DYM: variants seen among roughly 807,000 people sequenced by gnomAD.
The protein encoded by DYM is dyggve-Melchior-Clausen syndrome protein.
A neutral mutation model predicts 93.1 loss-of-function variants in DYM; 78 were observed. The ratio of observed to expected loss-of-function variants is 0.84; its 90% CI spans 0.70 to 1.01. The LOEUF is 1.01. DYM is among the 50% of genes least tolerant of loss of function. DYM has a pLI of 0.00. For synonymous variants in DYM, 321 were observed against 319.7 expected (o/e 1.00, Z -0.04); for missense variants, 789 against 845.0 (o/e 0.93, Z 0.82).
intron 13 of DYM, among the ~76,000 whole-genome samples, chr18:49,226,575 A>G (rs1437346205): frequency 6.6e-6 from 1 of 152,180 alleles, no homozygotes; most frequent in Non-Finnish European, 1.5e-5. Flanking sequence ...AAATGCAGAC[A>G]TTCATTTGAA....
At chr18:49,080,494 C>A (rs1468247517) in intron 17 of DYM, among the ~76,000 whole-genome samples, 2 of 133,268 alleles carry the variant, frequency 1.5e-5, no homozygotes. Context: ...CCGGACGGGG[C>A]GGCTGGCCGG....
intron 13 of DYM, among the ~76,000 whole-genome samples, chr18:49,232,469 A>G (rs1361389345): frequency 6.6e-6 from 1 of 150,732 alleles, no homozygotes; most frequent in African/African-American, 2.4e-5. Flanking sequence ...ACACCTGGCT[A>G]ATTTTTTGTA....
chr18:49,138,968 A>G (rs1358456737), intron 15 of DYM, among the ~76,000 whole-genome samples: 1 of 152,210 alleles, frequency 6.6e-6, no homozygotes, highest in East Asian at 1.9e-4. Flanking sequence ...ATAATTTATT[A>G]GCAGTTATAG....
intron 8 of DYM, among the ~76,000 whole-genome samples, chr18:49,289,768 TATATAC>T (rs1254698745): frequency 1.1e-4 from 5 of 44,666 alleles, no homozygotes; most frequent in African/African-American, 3.6e-4. Flanking sequence ...TATATATATA[TATATAC>T]ACATATATAT....
chr18:49,151,854 T>A (rs1475758456), intron 15 of DYM, among the ~76,000 whole-genome samples: 1 of 151,976 alleles, frequency 6.6e-6, no homozygotes, highest in Non-Finnish European at 1.5e-5. Flanking sequence ...ACAATCAAGA[T>A]CTGAGCAAAC....
At chr18:49,337,543 T>G (rs2063763936) in intron 6 of DYM, among the ~76,000 whole-genome samples, 1 of 152,180 alleles carries the variant, frequency 6.6e-6, no homozygotes, top group South Asian at 2.1e-4. Context: ...GCTACTGGTT[T>G]TCTCTGTCGA....
intron 2 of DYM, among the ~76,000 whole-genome samples, chr18:49,426,209 T>C (rs1020084854): frequency 9.9e-5 from 15 of 152,100 alleles, no homozygotes; most frequent in Admixed American, 2.0e-4. Context: ...GGGAATACTA[T>C]GTAGCCATAA....
intron 17 of DYM, among the ~76,000 whole-genome samples, chr18:49,060,505 T>G (rs1042687608): frequency 3.3e-5 from 5 of 151,200 alleles, no homozygotes; most frequent in East Asian, 3.9e-4. Context: ...GTTTGGATAG[T>G]TTCCATTCAC....
intron 13 of DYM, among the ~76,000 whole-genome samples, chr18:49,236,339 G>A (rs1282733404): frequency 6.6e-6 from 1 of 152,088 alleles, no homozygotes; most frequent in East Asian, 1.9e-4. Flanking sequence ...AATTAGCAGG[G>A]TGTGGTGGCA....
Position 49,038,246 on chromosome 18 carries a change from TTA to T in DYM, c.*5807_*5808del, listed in dbSNP as rs201887287. Among the ~76,000 whole-genome samples the T allele has an allele frequency of 6.1e-3, 928 of 152,352 alleles. 8 individuals are homozygous for T. Among genetic ancestry groups the T allele is most frequent in the African/African-American group, 0.022 (894 of 41,578 alleles). Reference sequence around the variant, plus strand: ...TTGCTCATTTCATTGCTTAAATCTTTTATAACTTGATTTTTGTATGCTAGTTT... The same window carrying T: ...TTGCTCATTTCATTGCTTAAATCTTTTAACTTGATTTTTGTATGCTAGTTT... On this transcript the variant is annotated 3_prime_UTR_variant, in exon 18 of 18. Transcript: ENST00000675505.
intron 3 of DYM, among the ~76,000 whole-genome samples, chr18:49,384,300 C>T (rs1269132413): frequency 1.2e-4 from 15 of 121,416 alleles, no homozygotes; most frequent in Admixed American, 2.2e-4. Flanking sequence ...CCAGCATGAG[C>T]GACAGAGTGA....
At chr18:49,441,035 TATATAAATATATA>T (rs2081415472) in intron 1 of DYM, among the ~76,000 whole-genome samples, 1 of 7,932 alleles carries the variant, frequency 1.3e-4, no homozygotes, top group Non-Finnish European at 2.6e-4. Context: ...TTATATATAA[TATATAAATATATA>T]ATATATTTAT....
At chr18:49,415,345 A>T (rs1000057872) in intron 2 of DYM, among the ~76,000 whole-genome samples, 10 of 144,190 alleles carry the variant, frequency 6.9e-5, no homozygotes, top group African/African-American at 1.8e-4. Context: ...AAAAAAAATT[A>T]AAAAAATTTT....
At chr18:49,230,838 G>A (rs926363968) in intron 13 of DYM, among the ~76,000 whole-genome samples, 45 of 152,058 alleles carry the variant, frequency 3.0e-4, no homozygotes, top group Non-Finnish European at 4.6e-4. Flanking sequence ...ATTCTGCAGA[G>A]GGCAGAGAAC....
intron 15 of DYM, among the ~76,000 whole-genome samples, chr18:49,161,300 T>C (rs2087090226): frequency 6.6e-6 from 1 of 152,158 alleles, no homozygotes; most frequent in African/African-American, 2.4e-5. Flanking sequence ...CATAATTACC[T>C]CCATGGTTGG....
chr18:49,198,051 G>T (rs1238270632), intron 14 of DYM, among the ~76,000 whole-genome samples: 1 of 152,150 alleles, frequency 6.6e-6, no homozygotes, highest in Non-Finnish European at 1.5e-5. Context: ...CAATGGAACA[G>T]AACAGAGCCC....
intron 6 of DYM, among the ~76,000 whole-genome samples, chr18:49,345,630 T>G (rs1474553675): frequency 6.6e-6 from 1 of 151,948 alleles, no homozygotes; most frequent in African/African-American, 2.4e-5. Context: ...GAATAGAATC[T>G]GCAAGAAGAA....
chr18:49,372,650 CAGG>C (rs1225374480), intron 5 of DYM, among the ~76,000 whole-genome samples: 1 of 152,162 alleles, frequency 6.6e-6, no homozygotes, highest in Non-Finnish European at 1.5e-5. Context: ...GAGGCTGATA[CAGG>C]AGAATTGCTT....
chr18:49,304,019 G>T (rs1033378041), intron 8 of DYM, among the ~76,000 whole-genome samples: 1 of 152,182 alleles, frequency 6.6e-6, no homozygotes, highest in East Asian at 1.9e-4. Context: ...CTGCAGTTTG[G>T]AAGAAAGATG....
Sources: allele counts gnomAD v4.1 joint callset (sites outside exome capture counted in the v4.1 genomes callset), GRCh38; gene constraint gnomAD v4.1.1; transcripts MANE v1.5; gene names NCBI Gene and HGNC (gene_info 2026-07-23, HGNC 2026-07-21).